UBR4: variants seen among roughly 807,000 people sequenced by gnomAD.
UBR4 encodes E3 ubiquitin-protein ligase UBR4.
UBR4 carries 124 observed loss-of-function variants against 575.6 expected under a neutral mutation model. That is an observed-to-expected ratio of 0.22 (90% CI 0.19 to 0.25). The LOEUF is 0.25. Among genes scored for constraint, UBR4 ranks in the 10% least tolerant of loss-of-function variants. The pLI, the probability that UBR4 is intolerant of heterozygous loss-of-function variation, is 1.00. For synonymous variants in UBR4, 2,455 were observed against 2,473.7 expected, an observed-to-expected ratio of 0.99 and a Z score of 0.22; for missense variants, 4,818 against 6,478.8, an observed-to-expected ratio of 0.74 and a Z score of 8.80.
chr1:19,084,753 A>T, intron 101 of UBR4, 55 bp from the exon 102 acceptor site: 1 of 1,532,626 alleles, frequency 6.5e-7, no homozygotes, highest in Non-Finnish European at 8.9e-7. Flanking sequence ...GTGAAAACCC[A>T]GTTTGGGAGA....
chr1:19,114,351 G>A (rs989399408), intron 75 of UBR4, among the ~76,000 whole-genome samples: 1 of 152,162 alleles, frequency 6.6e-6, no homozygotes, highest in Non-Finnish European at 1.5e-5. Context: ...TAGAATTTCT[G>A]TCCTTCTGAC....
At chr1:19,112,495 AGG>A (rs2080013165) in intron 78 of UBR4, 27 bp downstream of exon 78, 1 of 1,575,728 alleles carries the variant, frequency 6.3e-7, no homozygotes, top group Non-Finnish European at 8.6e-7. Context: ...AGGAACCACT[AGG>A]CCCATAACCA....
Position 19,095,003 on chromosome 1 carries a change from C to T in UBR4, c.13649G>A (p.Ser4550Asn). The T allele has an allele frequency of 1.2e-6, 2 of 1,614,200 alleles. No individual in the cohort carries two copies. Among genetic ancestry groups the T allele is most frequent in the Non-Finnish European group, 1.7e-6 (2 of 1,180,036 alleles). Residue 4550 changes from serine to asparagine, a missense_variant, in exon 94 of 106, where the codon AGC becomes AAC. By Grantham distance (46) the Ser-to-Asn change is conservative. This residue lies in a region of UBR4 where 165 missense variants were observed against 282.3 expected (regional missense o/e 0.58). Transcript: ENST00000375254. ...CACAGCTGCACCCCCACTGTCCTTGCTTTCTTGTTCAGCTACAAGGGCCTG... is the reference window on the plus strand; with the variant it reads ...CACAGCTGCACCCCCACTGTCCTTGTTTTCTTGTTCAGCTACAAGGGCCTG... ...LNLALVAEQE[S>N]KDSGGAAVAE...
Position 19,114,798 on chromosome 1 carries a change from G to A in UBR4, c.11202+13C>T. On this transcript the variant is annotated intron_variant, in intron 75 of 105. Transcript: ENST00000375254. ...AGGCCACAGCCCTGAGTCTAGGCCA[G>A]ATCTGGCCTCACCTTCTTCCGGTCT... 1 of 1,614,028 alleles carries A rather than the reference G, an allele frequency of 6.2e-7. No homozygotes were observed. The highest frequency in any genetic ancestry group is 1.1e-5 in the South Asian group (1 of 91,072).
At chr1:19,123,724 A>G (rs2081420650) in intron 65 of UBR4, among the ~76,000 whole-genome samples, 2 of 152,340 alleles carry the variant, frequency 1.3e-5, no homozygotes, top group Admixed American at 1.3e-4. Context: ...TAAAAGAGCT[A>G]AAGAGAAGAT....
intron 11 of UBR4, among the ~76,000 whole-genome samples, chr1:19,190,585 T>A (rs2091994723): frequency 1.3e-5 from 2 of 151,952 alleles, no homozygotes; most frequent in African/African-American, 4.8e-5. Flanking sequence ...TTCCCCATCT[T>A]CCCATTCAAC....
In UBR4 at chr1:19,157,709, G is replaced by T; in HGVS notation, c.5760+106C>A. 7.1e-7 allele frequency: 1 copy of T among 1,413,754 alleles called. No individual in the cohort carries two copies. Among genetic ancestry groups the T allele is most frequent in the South Asian group, 1.4e-5 (1 of 71,612 alleles). The allele number at this position is 1,413,754 out of a possible 1,614,324, so 87.6% of individuals were successfully genotyped here. ...CCTGAAGCATTCTTAGAACGCAGTG[G>T]ACTTTTTCCCACAGAGGGCTAATCC... On this transcript the variant is annotated intron_variant, in intron 40 of 105. Transcript: ENST00000375254. The surrounding 1 kb of genome is among the most constrained non-coding windows in gnomAD (Gnocchi z 4.4).
chr1:19,170,694 A>G (rs1468321915), intron 26 of UBR4, 68 bp downstream of exon 26: 3 of 1,602,114 alleles, frequency 1.9e-6, no homozygotes, highest in Non-Finnish European at 2.6e-6. Context: ...ACCAAGGGAG[A>G]GAAGCCATAG....
intron 1 of UBR4, among the ~76,000 whole-genome samples, chr1:19,206,901 T>C (rs888747401): frequency 3.3e-5 from 5 of 152,128 alleles, no homozygotes; most frequent in African/African-American, 1.2e-4. Flanking sequence ...CTTCAAAAGG[T>C]CAATTTCAAC....
chr1:19,141,008 C>A, intron 57 of UBR4, 116 bp from the exon 58 acceptor site: 3 of 1,127,290 alleles, frequency 2.7e-6, no homozygotes, highest in South Asian at 1.5e-5. Flanking sequence ...CCCCCTCTGG[C>A]CTAGAGGAAG....
Position 19,078,056 on chromosome 1 carries a change from T to C in UBR4, c.15244A>G (p.Lys5082Glu), listed in dbSNP as rs1487682391. 6.2e-7 allele frequency: 1 copy of C among 1,613,860 alleles called. No individual in the cohort carries two copies. The highest frequency in any genetic ancestry group is 1.7e-5 in the Admixed American group (1 of 59,996). ...APGGATRLTDKAVKDYSAYRS... is the reference protein window; with the variant it reads ...APGGATRLTDEAVKDYSAYRS... ...TAAGCGGAATAGTCCTTCACTGCCT[T>C]ATCTGTCAGCCTGGAAAAGAAAATC... The change falls in exon 104 of 106, where the codon AAG becomes GAG. Residue 5082 changes from lysine (K) to glutamate (E), a missense_variant. Physicochemically the swap from Lys to Glu is moderately conservative, Grantham distance 56 (BLOSUM62 1). Transcript: ENST00000375254.
Position 19,117,314 on chromosome 1 carries a change from T to C in UBR4, c.10730A>G (p.Lys3577Arg). The change falls in exon 73 of 106, where the codon AAA becomes AGA. Residue 3577 changes from lysine (K) to arginine (R), a missense_variant. Coordinates refer to ENST00000375254, the MANE Select transcript of UBR4 (RefSeq NM_020765.3). This position sits in a 1 kb window ranked among gnomAD's most constrained non-coding sequence, Gnocchi z 4.0. ...CTTGGTCCGTTTCAGATCCCCGATT[T>C]TCACTGTCACTTTGCTGATGGTGTG... ...GSHTISKVTVKIGDLKRTKMV... is the reference protein window; with the variant it reads ...GSHTISKVTVRIGDLKRTKMV... The C allele has an allele frequency of 1.2e-6, 2 of 1,614,206 alleles. No homozygotes were observed. Among genetic ancestry groups the C allele is most frequent in the Non-Finnish European group, 1.7e-6 (2 of 1,180,024 alleles).
intron 71 of UBR4, 124 bp from the exon 72 acceptor site, chr1:19,118,034 C>T (rs1239734764): frequency 3.6e-6 from 3 of 827,180 alleles, no homozygotes; most frequent in Non-Finnish European, 5.9e-6. Flanking sequence ...TGAGCCCCAC[C>T]CTAGTGAGAA....
intron 20 of UBR4, among the ~76,000 whole-genome samples, chr1:19,175,641 C>T (rs2090162741): frequency 2.0e-5 from 3 of 152,086 alleles, no homozygotes; most frequent in South Asian, 2.1e-4. Context: ...CAGCATATCA[C>T]CAAGACCCAA....
intron 105 of UBR4, among the ~76,000 whole-genome samples, chr1:19,076,202 T>C (rs1055720521): frequency 6.6e-6 from 1 of 152,234 alleles, no homozygotes; most frequent in Non-Finnish European, 1.5e-5. Flanking sequence ...AGCAGTAGGA[T>C]AAGGAATTGT....
chr1:19,087,339 C>T (rs2077116153), intron 99 of UBR4, among the ~76,000 whole-genome samples: 1 of 152,262 alleles, frequency 6.6e-6, no homozygotes, highest in African/African-American at 2.4e-5. Flanking sequence ...TGCTCTGCTC[C>T]TTTCAGGTGG....
At position 19,110,512 on chromosome 1, in the gene UBR4, C is replaced by A; in HGVS notation, c.11893-48G>T. 1.3e-6 allele frequency: 2 copies of A among 1,577,672 alleles called. No homozygotes were observed. The highest frequency in any genetic ancestry group is 2.2e-5 in the South Asian group (2 of 89,350). ...ATGAGTCAAGAGGGTCAGCTCCGGT[C>A]CAGCGACTCTTAACTATTAATACAA... On this transcript the variant is annotated intron_variant, in intron 79 of 105. Transcript: ENST00000375254. The surrounding 1 kb of genome is among the most constrained non-coding windows in gnomAD (Gnocchi z 4.5).
Position 19,096,237 on chromosome 1 carries a change from AAAC to A in UBR4, c.13518+283_13518+285del, listed in dbSNP as rs949459273. 3.3e-4 allele frequency among the ~76,000 whole-genome samples: 51 copies of A among 152,302 alleles called. 1 individual carries two copies. The South Asian group carries it at 7.5e-3, about 22-fold the overall frequency. ...AGTTACATTACAAAATCCATTTTAA[AAAC>A]AACAACAATGATAATAGTTAACACA... is the stretch of plus-strand genomic sequence containing the variant. On this transcript the variant is annotated intron_variant, in intron 92 of 105. Coordinates refer to ENST00000375254, the MANE Select transcript of UBR4 (RefSeq NM_020765.3).
chr1:19,123,776 TTTGC>T (rs1180153532), intron 65 of UBR4, among the ~76,000 whole-genome samples: 1 of 152,140 alleles, frequency 6.6e-6, no homozygotes, highest in East Asian at 1.9e-4. Flanking sequence ...TCATCTGAGG[TTTGC>T]TAACAGATTA....
Sources: gnomAD v4.1 joint callset for allele counts (sites outside exome capture counted in the v4.1 genomes callset) on GRCh38, gnomAD v4.1.1 for gene constraint, gnomAD v4.1.1 regional missense constraint, Gnocchi (gnomAD v3.1) non-coding constraint, MANE v1.5 for transcripts, NCBI Gene and HGNC (gene_info 2026-07-23, HGNC 2026-07-21) for gene names.